ZNF516: variants seen among roughly 807,000 people sequenced by gnomAD.
ZNF516 encodes zinc finger protein 516.
In ZNF516, 19 loss-of-function variants were observed where a neutral mutation model predicts 79.7. That is an observed-to-expected ratio of 0.24 (90% CI 0.17 to 0.35). ZNF516 has a LOEUF of 0.35. Ranked by LOEUF, ZNF516 falls within the 10% of genes least tolerant of loss-of-function variation. The pLI is 1.00. For missense variants in ZNF516, 1,678 were observed against 1,679.5 expected (o/e 1.00, Z 0.02); for synonymous variants, 877 against 739.5 (o/e 1.19, Z -3.02).
intron 2 of ZNF516, among the ~76,000 whole-genome samples, chr18:76,461,056 C>A (rs989506292): frequency 1.3e-4 from 20 of 152,184 alleles, no homozygotes; most frequent in Admixed American, 7.2e-4. Context: ...GTGGCGCATG[C>A]CTGTAATCCC....
At position 76,429,875 on chromosome 18, in the gene ZNF516, G is replaced by A. The variant is rs116857613; in HGVS notation, c.1810+11370C>T. Reference sequence around the variant, plus strand: ...AGGCTGTTCTGCAAAAGCAAACACGGTGCCCTTTTGTTACTGAGGTTTCAA... The same window carrying A: ...AGGCTGTTCTGCAAAAGCAAACACGATGCCCTTTTGTTACTGAGGTTTCAA... On this transcript the variant is annotated intron_variant, in intron 3 of 6. Transcript: ENST00000443185. 4.7e-3 allele frequency among the ~76,000 whole-genome samples: 711 copies of A among 152,284 alleles called. 3 individuals are homozygous for A. Among genetic ancestry groups the A allele is most frequent in the Non-Finnish European group, 5.2e-3 (353 of 68,036 alleles).
intron 3 of ZNF516, among the ~76,000 whole-genome samples, chr18:76,381,396 C>T (rs1314066668): frequency 6.6e-6 from 1 of 152,218 alleles, no homozygotes; most frequent in East Asian, 1.9e-4. Flanking sequence ...CACCCAGCCG[C>T]CATCTGCAGT....
chr18:76,380,656 G>A (rs2145041012), intron 3 of ZNF516, among the ~76,000 whole-genome samples: 1 of 152,252 alleles, frequency 6.6e-6, no homozygotes, highest in Non-Finnish European at 1.5e-5. Flanking sequence ...GCAGTATAAG[G>A]TTCGTATGAC....
At chr18:76,495,850 G>GAACACCCCCA, upstream of ZNF516, 3 of 736,688 alleles carry the variant, frequency 4.1e-6, no homozygotes, top group Non-Finnish European at 5.3e-6. Context: ...AAATGCCTCT[G>GAACACCCCCA]GGGGTGTTCA....
intron 3 of ZNF516, among the ~76,000 whole-genome samples, chr18:76,433,134 C>T (rs1388525094): frequency 2.0e-5 from 3 of 152,246 alleles, no homozygotes; most frequent in Non-Finnish European, 2.9e-5. Context: ...AGGCCAGCCT[C>T]TGCTGCGACT....
At chr18:76,424,462 C>T (rs573887586) in intron 3 of ZNF516, among the ~76,000 whole-genome samples, 14 of 147,736 alleles carry the variant, frequency 9.5e-5, no homozygotes, top group Admixed American at 3.4e-4. Flanking sequence ...TCGAGACACA[C>T]GCAGGTGAAA....
intron 3 of ZNF516, among the ~76,000 whole-genome samples, chr18:76,406,173 A>C (rs1442384230): frequency 6.6e-6 from 1 of 152,134 alleles, no homozygotes; most frequent in Non-Finnish European, 1.5e-5. Flanking sequence ...CCAGACCCCA[A>C]ACCTCTCTTT....
Position 76,378,939 on chromosome 18 carries a change from T to G in ZNF516, c.3175A>C (p.Asn1059His), listed in dbSNP as rs780516870. Residue 1059 changes from asparagine (N) to histidine (H), a missense_variant, in exon 4 of 7, where the codon AAC becomes CAC. This residue lies in a region of ZNF516 where 1,294 missense variants were observed against 1,248.3 expected (regional missense o/e 1.04). Transcript: ENST00000443185. The stretch of plus-strand genomic sequence containing the variant: ...TTTGGAATGTACGTCTTAAAGATGT[T>G]GAGGATGTCCAGGCGCTTCTCATGC... The part of the protein sequence containing the change: ...EGHEKRLDIL[N>H]IFKTYIPKDF... The G allele has an allele frequency of 9.3e-6, 15 of 1,613,676 alleles. No individual in the cohort carries two copies. The African/African-American group carries it at 2.0e-4, about 22-fold the overall frequency.
chr18:76,467,549 G>A lies in ZNF516; in HGVS notation c.-271-4408C>T, dbSNP rs978384366. ...GCTTTCCTGGAGGCTGCAAGTAAGTGCTCAGTCAAGGAGGGGACAAGGCTT... is the reference window on the plus strand; with the variant it reads ...GCTTTCCTGGAGGCTGCAAGTAAGTACTCAGTCAAGGAGGGGACAAGGCTT... On this transcript the variant is annotated intron_variant, in intron 1 of 6. Transcript: ENST00000443185. This position sits in a 1 kb window ranked among gnomAD's most constrained non-coding sequence, Gnocchi z 4.2. Among the ~76,000 whole-genome samples the A allele has an allele frequency of 6.6e-6, 1 of 152,172 alleles. No individual in the cohort carries two copies. The highest frequency in any genetic ancestry group is 6.5e-5 in the Admixed American group (1 of 15,278).
At chr18:76,483,176 G>T (rs145499008) in intron 1 of ZNF516, among the ~76,000 whole-genome samples, 2 of 152,262 alleles carry the variant, frequency 1.3e-5, no homozygotes, top group Non-Finnish European at 2.9e-5. Flanking sequence ...TGCTTTGCTG[G>T]AGAAGGCAGG....
Position 76,493,169 on chromosome 18 carries a change from G to C in ZNF516, c.-272+1975C>G. On this transcript the variant is annotated intron_variant, in intron 1 of 6. Transcript: ENST00000443185. This position sits in a 1 kb window ranked among gnomAD's most constrained non-coding sequence, Gnocchi z 5.2. ...AACAACAGCAGAGCTCTGAAAGTTA[G>C]CCATCTGCGCAGAGTTTGCCTTCTT... 1 of 985,288 alleles carries C rather than the reference G, an allele frequency of 1.0e-6. No individual in the cohort carries two copies. The highest frequency in any genetic ancestry group is 1.7e-5 in the African/African-American group (1 of 57,294). 61.0% of individuals were successfully genotyped at this position (985,288 alleles called of 1,614,324 possible). A position where few individuals can be genotyped will look rare whatever the true frequency, so the allele number is the denominator to read the frequency against.
intron 3 of ZNF516, chr18:76,386,594 G>A (rs1041082567): frequency 6.6e-6 from 1 of 152,078 alleles, no homozygotes; most frequent in African/African-American, 2.4e-5. Context: ...TAATTCTAAG[G>A]AGCCTCAGGA....
At chr18:76,385,863 C>T (rs2074983450) in intron 3 of ZNF516, 3 of 152,214 alleles carry the variant, frequency 2.0e-5, no homozygotes, top group Admixed American at 2.0e-4. Flanking sequence ...AGCGCCGGCC[C>T]CGGTGCCAGG....
intron 6 of ZNF516, among the ~76,000 whole-genome samples, chr18:76,363,985 G>A (rs547919968): frequency 6.6e-6 from 1 of 152,344 alleles, no homozygotes; most frequent in East Asian, 1.9e-4. Context: ...ATCCACCTGG[G>A]TAGCTCTTCT....
chr18:76,471,270 A>T (rs1178957915), intron 1 of ZNF516, among the ~76,000 whole-genome samples: 1 of 151,628 alleles, frequency 6.6e-6, no homozygotes, highest in African/African-American at 2.4e-5. Flanking sequence ...AAAAAAAAAG[A>T]CATATTATTT....
chr18:76,441,593 C>G lies in ZNF516; in HGVS notation c.1462G>C (p.Ala488Pro). The change falls in exon 3 of 7, where the codon GCG becomes CCG. Residue 488 changes from alanine (A) to proline (P), a missense_variant. This residue lies in a region of ZNF516 where 1,294 missense variants were observed against 1,248.3 expected (regional missense o/e 1.04). Coordinates refer to ENST00000443185, the MANE Select transcript of ZNF516 (RefSeq NM_014643.4). Reference protein sequence around the residue: ...RKRASGPGDPAPAGHLDPRSA... With the variant: ...RKRASGPGDPPPAGHLDPRSA... The stretch of plus-strand genomic sequence containing the variant: ...CGGGGATCGAGGTGGCCGGCGGGCG[C>G]GGGGTCCCCAGGCCCGCTCGCGCGC... 31 of 1,438,838 alleles carry G rather than the reference C, an allele frequency of 2.2e-5. No homozygotes were observed. Among genetic ancestry groups the G allele is most frequent in the Non-Finnish European group, 2.8e-5 (31 of 1,100,666 alleles). 89.1% of individuals were successfully genotyped at this position (1,438,838 alleles called of 1,614,324 possible).
At chr18:76,483,283 G>C (rs926872215) in intron 1 of ZNF516, among the ~76,000 whole-genome samples, 5 of 152,110 alleles carry the variant, frequency 3.3e-5, no homozygotes, top group Non-Finnish European at 7.3e-5. Context: ...CCTGACCATT[G>C]GAAAGAAAGG....
intron 1 of ZNF516, among the ~76,000 whole-genome samples, chr18:76,484,440 A>C (rs922839594): frequency 6.6e-6 from 1 of 152,212 alleles, no homozygotes; most frequent in Non-Finnish European, 1.5e-5. Flanking sequence ...CGGTCATTAC[A>C]CCAAGTCAAT....
chr18:76,466,059 T>C (rs1022148100), intron 1 of ZNF516, among the ~76,000 whole-genome samples: 1 of 152,212 alleles, frequency 6.6e-6, no homozygotes, highest in East Asian at 1.9e-4. Flanking sequence ...GTCCTCTCGA[T>C]GCATTTTCTG....
Sources: gnomAD v4.1 joint callset for allele counts (sites outside exome capture counted in the v4.1 genomes callset) on GRCh38, gnomAD v4.1.1 for gene constraint, gnomAD v4.1.1 regional missense constraint, Gnocchi (gnomAD v3.1) non-coding constraint, MANE v1.5 for transcripts, NCBI Gene and HGNC (gene_info 2026-07-23, HGNC 2026-07-21) for gene names.